COL25A1: variants seen among roughly 807,000 people sequenced by gnomAD.
COL25A1 encodes the protein collagen alpha-1(XXV) chain.
In COL25A1, 103 loss-of-function variants were observed where a neutral mutation model predicts 128.4. The observed-to-expected ratio is 0.80, with a 90% CI of 0.68 to 0.94. The LOEUF (loss-of-function observed/expected upper bound fraction) is 0.94. Among genes scored for constraint, COL25A1 ranks in the 40% least tolerant of loss-of-function variants. The pLI is 0.00. For synonymous variants in COL25A1, 279 were observed against 277.2 expected, an observed-to-expected ratio of 1.01 and a Z score of -0.06; for missense variants, 745 against 840.0, an observed-to-expected ratio of 0.89 and a Z score of 1.40.
chr4:109,095,415 A>C (rs1207516538), intron 3 of COL25A1, among the ~76,000 whole-genome samples: 2 of 152,184 alleles, frequency 1.3e-5, no homozygotes, highest in Non-Finnish European at 2.9e-5. Flanking sequence ...TGGGAAACTC[A>C]TTCCATTATT....
At chr4:109,066,916 C>T (rs1762500854) in intron 3 of COL25A1, among the ~76,000 whole-genome samples, 1 of 152,188 alleles carries the variant, frequency 6.6e-6, no homozygotes, top group African/African-American at 2.4e-5. Flanking sequence ...GGCAATCCTC[C>T]CAACTCAGCC....
intron 11 of COL25A1, among the ~76,000 whole-genome samples, chr4:108,922,689 T>C (rs1745614683): frequency 1.3e-5 from 2 of 152,196 alleles, no homozygotes; most frequent in Non-Finnish European, 2.9e-5. Flanking sequence ...AGTTGTATAT[T>C]TTAACACAAT....
chr4:108,867,443 G>A (rs1231641601), intron 20 of COL25A1, among the ~76,000 whole-genome samples: 1 of 152,162 alleles, frequency 6.6e-6, no homozygotes, highest in Non-Finnish European at 1.5e-5. Flanking sequence ...GTGTGAATCT[G>A]CTCAGGCTAA....
intron 6 of COL25A1, among the ~76,000 whole-genome samples, chr4:108,996,751 A>G (rs1428342776): frequency 6.6e-6 from 1 of 152,226 alleles, no homozygotes; most frequent in East Asian, 1.9e-4. Flanking sequence ...GCAAATGTAA[A>G]AGAACAGAAA....
intron 3 of COL25A1, among the ~76,000 whole-genome samples, chr4:109,194,189 C>T (rs940407327): frequency 6.6e-6 from 1 of 152,132 alleles, no homozygotes; most frequent in Non-Finnish European, 1.5e-5. Flanking sequence ...CCTTATCCTA[C>T]TGGACATTTT....
intron 3 of COL25A1, among the ~76,000 whole-genome samples, chr4:109,118,360 C>A (rs1019272375): frequency 8.2e-6 from 1 of 122,230 alleles, no homozygotes; most frequent in Non-Finnish European, 1.6e-5. Flanking sequence ...TTTAAACATT[C>A]GCACCACAAA....
chr4:108,990,281 G>GA (rs1754101558), intron 6 of COL25A1, among the ~76,000 whole-genome samples: 1 of 58,342 alleles, frequency 1.7e-5, no homozygotes, highest in Non-Finnish European at 3.4e-5. Context: ...TATCTCAAAA[G>GA]AATCGATAAA....
At chr4:109,008,601 C>A (rs758039371) in intron 6 of COL25A1, among the ~76,000 whole-genome samples, 2 of 152,138 alleles carry the variant, frequency 1.3e-5, no homozygotes, top group Admixed American at 6.5e-5. Context: ...CTTCTTTTAT[C>A]ATCTGCTGTC....
At chr4:108,909,567 T>C (rs1307347714) in intron 13 of COL25A1, among the ~76,000 whole-genome samples, 1 of 152,250 alleles carries the variant, frequency 6.6e-6, no homozygotes, top group African/African-American at 2.4e-5. Flanking sequence ...GTTAACACTT[T>C]TAATCTTAGA....
chr4:108,945,557 A>AT (rs11404427), intron 8 of COL25A1, among the ~76,000 whole-genome samples: 25,542 of 152,210 alleles, frequency 0.17, 2,274 homozygotes, highest in Non-Finnish European at 0.19. Flanking sequence ...ATCTTAGAAA[A>AT]TTTGCCTGGT....
intron 3 of COL25A1, among the ~76,000 whole-genome samples, chr4:109,104,046 C>T (rs1306056278): frequency 6.6e-6 from 1 of 152,084 alleles, no homozygotes; most frequent in African/African-American, 2.4e-5. Context: ...AATATTCCAA[C>T]TACAAATGCA....
intron 3 of COL25A1, among the ~76,000 whole-genome samples, chr4:109,238,897 G>A (rs369585761): frequency 1.1e-4 from 16 of 152,126 alleles, no homozygotes; most frequent in African/African-American, 2.6e-4. Flanking sequence ...CCCTTTTGAT[G>A]ATAGATAACA....
intron 3 of COL25A1, among the ~76,000 whole-genome samples, chr4:109,109,171 C>G (rs4541603): frequency 0.48 from 72,845 of 151,966 alleles, 20,813 homozygotes; most frequent in Non-Finnish European, 0.67. Context: ...TCACCACAAC[C>G]TCCTCCTCCT....
chr4:108,868,724 A>G (rs1299740068), intron 20 of COL25A1, among the ~76,000 whole-genome samples: 1 of 143,884 alleles, frequency 7.0e-6, no homozygotes, highest in Non-Finnish European at 1.5e-5. Flanking sequence ...GGGAAGGAAG[A>G]AAGGAAGGGA....
chr4:109,044,873 C>G (rs889208601), intron 5 of COL25A1, among the ~76,000 whole-genome samples: 2 of 152,136 alleles, frequency 1.3e-5, no homozygotes, highest in African/African-American at 4.8e-5. Flanking sequence ...ATTACAGAAA[C>G]TGTCAGATTT....
intron 33 of COL25A1, among the ~76,000 whole-genome samples, chr4:108,826,779 G>T (rs1031362183): frequency 1.3e-5 from 2 of 152,090 alleles, no homozygotes; most frequent in African/African-American, 4.8e-5. Context: ...AGCCATTTTT[G>T]GATCCAGTGA....
In COL25A1 at chr4:109,302,075, C is replaced by T; in HGVS notation, c.-56G>A. The T allele has an allele frequency of 4.6e-6, 7 of 1,506,726 alleles. No individual in the cohort carries two copies. The highest frequency in any genetic ancestry group is 6.2e-6 in the Non-Finnish European group (7 of 1,137,284). 93.3% of individuals were successfully genotyped at this position (1,506,726 alleles called of 1,614,324 possible). On this transcript the variant is annotated splice_region_variant and 5_prime_UTR_variant, in exon 2 of 38. Coordinates refer to ENST00000399132, the MANE Select transcript of COL25A1 (RefSeq NM_198721.4). The stretch of plus-strand genomic sequence containing the variant: ...TCCCACCCTCTACACCTCAAATAAT[C>T]CTAAAAGGAAAGAAAAAGGTCGATT...
chr4:108,981,058 C>A (rs772264669), intron 6 of COL25A1, among the ~76,000 whole-genome samples: 3 of 152,208 alleles, frequency 2.0e-5, no homozygotes, highest in Non-Finnish European at 1.5e-5. Context: ...CCCACACTTA[C>A]AAGGAAACTG....
chr4:108,942,082 G>A, intron 8 of COL25A1: 1 of 821,418 alleles, frequency 1.2e-6, no homozygotes, highest in Admixed American at 2.3e-5. Context: ...GGGGTCCCAA[G>A]TGCCCAGTAA....
Sources: gnomAD v4.1 joint callset for allele counts (sites outside exome capture counted in the v4.1 genomes callset) on GRCh38, gnomAD v4.1.1 for gene constraint, MANE v1.5 for transcripts, NCBI Gene and HGNC (gene_info 2026-07-23, HGNC 2026-07-21) for gene names.